XKR9: variants seen among roughly 807,000 people sequenced by gnomAD.
XKR9 encodes the protein XK related 9, also known as XK-related protein 9.
XKR9 carries 32 observed loss-of-function variants against 32.0 expected under a neutral mutation model. That is an observed-to-expected ratio of 1.00 (90% CI 0.76 to 1.34). The LOEUF (loss-of-function observed/expected upper bound fraction) is 1.34, where lower values mean the gene tolerates loss of function less well. XKR9 is among the 40% of genes most tolerant of loss of function. The probability of loss-of-function intolerance (pLI) is 0.00; values close to 1 mark genes in which losing one functional copy is unlikely to be tolerated. For missense variants in XKR9, 546 were observed against 429.7 expected (o/e 1.27, Z -2.39); for synonymous variants, 168 against 143.4 (o/e 1.17, Z -1.22).
the XKR9 span, among the ~76,000 whole-genome samples, chr8:70,925,443 G>T: frequency 5.3e-5 from 8 of 152,108 alleles, no homozygotes; most frequent in East Asian, 7.7e-4. Flanking sequence ...CTCTATTTTC[G>T]AGATGATAAA....
chr8:70,731,357 T>C (rs1806658073), intron 4 of XKR9, among the ~76,000 whole-genome samples: 2 of 151,896 alleles, frequency 1.3e-5, no homozygotes, highest in African/African-American at 4.8e-5. Flanking sequence ...GGTTTCCAGG[T>C]TCCTTTTCTC....
intron 2 of XKR9, among the ~76,000 whole-genome samples, chr8:70,786,466 G>T (rs1348204343): frequency 6.6e-6 from 1 of 151,992 alleles, no homozygotes; most frequent in African/African-American, 2.4e-5. Context: ...CTGATGTTGG[G>T]TACATGTATA....
chr8:70,748,286 C>T (rs1807085862), intron 2 of XKR9, among the ~76,000 whole-genome samples: 1 of 152,110 alleles, frequency 6.6e-6, no homozygotes, highest in African/African-American at 2.4e-5. Context: ...ATGTAGCTGC[C>T]CAGCTGCAGC....
intron 2 of XKR9, among the ~76,000 whole-genome samples, chr8:70,788,482 T>C (rs1807720983): frequency 6.6e-6 from 1 of 152,050 alleles, no homozygotes; most frequent in Admixed American, 6.6e-5. Context: ...GAATAATTTT[T>C]ACACTGAATC....
intron 2 of XKR9, among the ~76,000 whole-genome samples, chr8:70,776,723 T>A (rs1301717472): frequency 6.6e-6 from 1 of 151,884 alleles, no homozygotes; most frequent in Admixed American, 6.6e-5. Context: ...TGGCTGTCTC[T>A]CCTTAGTCCT....
chr8:70,848,942 G>A, the XKR9 span, among the ~76,000 whole-genome samples: 1 of 152,132 alleles, frequency 6.6e-6, no homozygotes, highest in Non-Finnish European at 1.5e-5. Flanking sequence ...GCATCCAGAT[G>A]CATAAAGCAA....
intron 3 of XKR9, among the ~76,000 whole-genome samples, chr8:70,699,727 C>T (rs966454819): frequency 6.6e-6 from 1 of 152,144 alleles, no homozygotes; most frequent in African/African-American, 2.4e-5. Flanking sequence ...TGAATGTTGG[C>T]CTGCCTTGCT....
At chr8:70,832,687 A>G in the XKR9 span, among the ~76,000 whole-genome samples, 3 of 152,218 alleles carry the variant, frequency 2.0e-5, no homozygotes, top group African/African-American at 7.2e-5. Flanking sequence ...AATCCTCAAA[A>G]CAACCCTGCC....
intron 4 of XKR9, among the ~76,000 whole-genome samples, chr8:70,728,265 A>C (rs1806543083): frequency 1.3e-5 from 2 of 152,274 alleles, no homozygotes; most frequent in East Asian, 3.9e-4. Flanking sequence ...TATAACTCTT[A>C]ATCTTAAGGT....
chr8:70,885,383 G>T, the XKR9 span, among the ~76,000 whole-genome samples: 1 of 151,988 alleles, frequency 6.6e-6, no homozygotes, highest in Non-Finnish European at 1.5e-5. Context: ...AGCATATATA[G>T]GTTTTTATGT....
chr8:70,670,134 T>C (rs571447757), intron 1 of XKR9, among the ~76,000 whole-genome samples: 1 of 152,350 alleles, frequency 6.6e-6, no homozygotes, highest in Non-Finnish European at 1.5e-5. Context: ...ATTGGGCAGC[T>C]GCCCAGATGA....
At chr8:70,847,286 TAAAAC>T in the XKR9 span, among the ~76,000 whole-genome samples, 1 of 151,882 alleles carries the variant, frequency 6.6e-6, no homozygotes, top group Admixed American at 6.6e-5. Flanking sequence ...AAAAATTTCT[TAAAAC>T]AAATGAAAAT....
At chr8:71,034,235 C>G in the XKR9 span, among the ~76,000 whole-genome samples, 1 of 152,052 alleles carries the variant, frequency 6.6e-6, no homozygotes, top group East Asian at 1.9e-4. Flanking sequence ...GGTGGTCCCC[C>G]CATGCTGTTC....
the XKR9 span, among the ~76,000 whole-genome samples, chr8:70,845,774 T>A: frequency 7.4e-3 from 1,128 of 151,422 alleles, 24 homozygotes; most frequent in African/African-American, 0.026. Flanking sequence ...GAAAAAATAA[T>A]AAAAAAAACC....
the XKR9 span, among the ~76,000 whole-genome samples, chr8:71,008,362 G>A: frequency 6.6e-6 from 1 of 152,152 alleles, no homozygotes; most frequent in East Asian, 1.9e-4. Flanking sequence ...ATCTGATGAG[G>A]TAGTCATGAC....
chr8:70,789,275 AC>A (rs1416404645), intron 2 of XKR9: 1 of 152,070 alleles, frequency 6.6e-6, no homozygotes, highest in Non-Finnish European at 1.5e-5. Context: ...GGCCTAGGAG[AC>A]CACGAAGAAT....
chr8:71,042,597 T>C, the XKR9 span, among the ~76,000 whole-genome samples: 1 of 152,152 alleles, frequency 6.6e-6, no homozygotes, highest in Admixed American at 6.5e-5. Context: ...TTATTTTTTT[T>C]CTCTCAGTAT....
chr8:70,831,430 A>G, the XKR9 span, among the ~76,000 whole-genome samples: 1 of 152,130 alleles, frequency 6.6e-6, no homozygotes. Context: ...TGTTCTTTAC[A>G]TTTAAGTTTC....
chr8:71,037,846 G>T, the XKR9 span, among the ~76,000 whole-genome samples: 5 of 152,316 alleles, frequency 3.3e-5, no homozygotes, highest in East Asian at 9.6e-4. Context: ...ACAAAAGAAT[G>T]AAGTAAGTTC....
Sources: gnomAD v4.1 joint callset for allele counts (sites outside exome capture counted in the v4.1 genomes callset) on GRCh38, gnomAD v4.1.1 for gene constraint, MANE v1.5 for transcripts, NCBI Gene and HGNC (gene_info 2026-07-23, HGNC 2026-07-21) for gene names.